The following ACSM3 variants were observed in gnomAD, a reference collection of about 807,000 sequenced individuals.
ACSM3 encodes the protein acyl-coenzyme A synthetase ACSM3, mitochondrial.
ACSM3 carries 61 observed loss-of-function variants against 74.1 expected under a neutral mutation model. The ratio of observed to expected loss-of-function variants is 0.82; its 90% CI spans 0.67 to 1.02. The LOEUF (loss-of-function observed/expected upper bound fraction) is 1.02, where lower values mean the gene tolerates loss of function less well. Ranked by LOEUF, ACSM3 falls within the 50% of genes least tolerant of loss-of-function variation. ACSM3 has a pLI of 0.00. For missense variants in ACSM3, 660 were observed against 697.0 expected (o/e 0.95, Z 0.60); for synonymous variants, 213 against 241.5 (o/e 0.88, Z 1.09).
chr16:20,783,322 C>T (rs1052122168), intron 7 of ACSM3: 13 of 152,198 alleles, frequency 8.5e-5, no homozygotes, highest in African/African-American at 3.1e-4. Context: ...AGGATGAAGA[C>T]TCAGTACAGG....
rs1166843254 is a variant in ACSM3 at position 20,796,957 on chromosome 16, A to G, written c.1746A>G (p.Glu582=). The G allele has an allele frequency of 1.2e-6, 2 of 1,612,670 alleles. No individual in the cohort carries two copies. Among genetic ancestry groups the G allele is most frequent in the Admixed American group, 3.3e-5 (2 of 59,784 alleles). ...AAAGAAATGAACTGAGGAAGAAAGA[A>G]TGGAAGACAATTTAAAGTTGTTTCA... The part of the protein sequence containing the change: ...KTKRNELRKK[E]WKTI Residue 582 remains glutamate (E), a synonymous_variant, in exon 14 of 14, where the codon GAA becomes GAG. Coordinates refer to ENST00000289416, the MANE Select transcript of ACSM3 (RefSeq NM_005622.4).
chr16:20,708,667 A>G (rs1444146367), intron 1 of ACSM3, among the ~76,000 whole-genome samples: 1 of 152,238 alleles, frequency 6.6e-6, no homozygotes, highest in Admixed American at 6.5e-5. Context: ...GAAAGAATTA[A>G]TATTGTTAAG....
intron 1 of ACSM3, among the ~76,000 whole-genome samples, chr16:20,742,813 A>ATATATATATATATATATAT (rs61582869): frequency 4.5e-5 from 3 of 66,816 alleles, no homozygotes; most frequent in African/African-American, 1.3e-4. Context: ...ATATATATAT[A>ATATATATATATATATATAT]TTTTTTTTTT....
chr16:20,772,388 A>T (rs936419254), intron 2 of ACSM3, among the ~76,000 whole-genome samples: 3 of 150,490 alleles, frequency 2.0e-5, no homozygotes, highest in Non-Finnish European at 4.4e-5. Context: ...TATAAAATTT[A>T]AAAAATTTTA....
chr16:20,711,734 T>C, intron 1 of ACSM3: 1 of 414,242 alleles, frequency 2.4e-6, no homozygotes, highest in Non-Finnish European at 4.6e-6. Flanking sequence ...AAATTATTGC[T>C]ACATCTTGGA....
chr16:20,789,617 C>A (rs1410245668), intron 9 of ACSM3: 15 of 1,155,614 alleles, frequency 1.3e-5, no homozygotes, highest in Non-Finnish European at 1.7e-5. Flanking sequence ...AAAAGATAAT[C>A]AAGACCTATT....
chr16:20,676,510 T>C (rs1004659492), intron 1 of ACSM3, among the ~76,000 whole-genome samples: 3 of 152,182 alleles, frequency 2.0e-5, no homozygotes, highest in Admixed American at 6.5e-5. Flanking sequence ...CAAGGAGATA[T>C]CAGGCACAAA....
At chr16:20,765,493 G>A (rs2080116066) in intron 1 of ACSM3, among the ~76,000 whole-genome samples, 1 of 152,120 alleles carries the variant, frequency 6.6e-6, no homozygotes, top group Non-Finnish European at 1.5e-5. Flanking sequence ...TTGTATGGGA[G>A]CTAGGGAACA....
At position 20,781,060 on chromosome 16, in the gene ACSM3, C is replaced by A; in HGVS notation, c.869C>A (p.Ser290Tyr). Residue 290 changes from serine to tyrosine, a missense_variant, in exon 6 of 14, where the codon TCT (serine) becomes TAT (tyrosine). Transcript: ENST00000289416. ...AAGTCTGCATGGAGTAGTGTTTTTT[C>A]TCCGTGGATCCAGGGAGCATGTGTA... Reference protein sequence around the residue: ...WAKSAWSSVFSPWIQGACVFT... With the variant: ...WAKSAWSSVFYPWIQGACVFT... 6.2e-7 allele frequency: 1 copy of A among 1,614,158 alleles called. No homozygotes were observed. Among genetic ancestry groups the A allele is most frequent in the South Asian group, 1.1e-5 (1 of 91,082 alleles).
chr16:20,736,719 A>T, intron 1 of ACSM3: 1 of 711,048 alleles, frequency 1.4e-6, no homozygotes, highest in African/African-American at 1.8e-5. Flanking sequence ...ATCCCTAAAA[A>T]AACTGTTAAC....
chr16:20,746,063 T>G (rs1476951319), intron 1 of ACSM3, among the ~76,000 whole-genome samples: 1 of 152,212 alleles, frequency 6.6e-6, no homozygotes, highest in Admixed American at 6.5e-5. Flanking sequence ...GCTTTGGCCA[T>G]GACCTGGCTG....
At chr16:20,718,509 C>G (rs921180823) in intron 1 of ACSM3, 18 of 317,054 alleles carry the variant, frequency 5.7e-5, no homozygotes, top group Admixed American at 5.2e-4. Flanking sequence ...GAAGAAAACT[C>G]TGGTTTTGGG....
chr16:20,776,121 A>T (rs1199041245), intron 3 of ACSM3, 72 bp downstream of exon 3: 26 of 1,467,672 alleles, frequency 1.8e-5, no homozygotes, highest in Middle Eastern at 2.3e-4. Flanking sequence ...CACCTAAGTA[A>T]TCATGATACA....
intron 1 of ACSM3, among the ~76,000 whole-genome samples, chr16:20,728,999 C>T (rs4783487): frequency 0.68 from 103,763 of 151,652 alleles, 35,925 homozygotes; most frequent in Non-Finnish European, 0.73. Context: ...TCCCAGCTAT[C>T]CAGAAGGCTG....
chr16:20,717,229 C>T (rs3848255), intron 1 of ACSM3, among the ~76,000 whole-genome samples: 93,841 of 152,068 alleles, frequency 0.62, 30,114 homozygotes, highest in Non-Finnish European at 0.72. Flanking sequence ...TGACTCTTTT[C>T]AGAACAAAGA....
intron 1 of ACSM3, among the ~76,000 whole-genome samples, chr16:20,676,427 G>A (rs200382981): frequency 3.9e-5 from 6 of 152,356 alleles, no homozygotes; most frequent in Admixed American, 2.6e-4. Flanking sequence ...AGGCATTTTG[G>A]TTGTACACTC....
intron 8 of ACSM3, 92 bp downstream of exon 8, chr16:20,785,199 G>A: frequency 6.6e-7 from 1 of 1,523,772 alleles, no homozygotes; most frequent in Non-Finnish European, 8.9e-7. Context: ...GATTATTTGA[G>A]GGATAGGAGT....
At chr16:20,792,357 A>T (rs768093453) in intron 12 of ACSM3, 22 bp downstream of exon 12, 3 of 1,612,916 alleles carry the variant, frequency 1.9e-6, no homozygotes, top group South Asian at 1.1e-5. Flanking sequence ...GATTCATGTC[A>T]ACTTTATAAT....
intron 1 of ACSM3, among the ~76,000 whole-genome samples, chr16:20,708,911 T>TAAG (rs2079735173): frequency 6.6e-6 from 1 of 152,260 alleles, no homozygotes; most frequent in African/African-American, 2.4e-5. Context: ...CAGCATGTTA[T>TAAG]TGTCTTAAAA....
Sources: allele counts gnomAD v4.1 joint callset (sites outside exome capture counted in the v4.1 genomes callset), GRCh38; gene constraint gnomAD v4.1.1; transcripts MANE v1.5; gene names NCBI Gene and HGNC (gene_info 2026-07-23, HGNC 2026-07-21).